Variants in RORA observed in about 807,000 individuals in gnomAD.
RORA encodes the protein RAR related orphan receptor A, also known as nuclear receptor ROR-alpha.
A neutral mutation model predicts 69.5 loss-of-function variants in RORA; 7 were observed. The ratio of observed to expected loss-of-function variants is 0.10; its 90% CI spans 0.06 to 0.19. The LOEUF (loss-of-function observed/expected upper bound fraction) is 0.19. Among genes scored for constraint, RORA ranks in the 10% least tolerant of loss-of-function variants. The pLI is 1.00. For synonymous variants in RORA, 261 were observed against 240.8 expected (o/e 1.08, Z -0.78); for missense variants, 457 against 663.0 (o/e 0.69, Z 3.41).
At position 60,946,577 on chromosome 15, in the gene RORA, T is replaced by G. The variant is rs561155041; in HGVS notation, c.167-267891A>C. Among the ~76,000 whole-genome samples, 8 of 152,338 alleles carry G rather than the reference T, an allele frequency of 5.3e-5. No individual in the cohort carries two copies. The East Asian group carries it at 1.5e-3, about 29-fold the overall frequency. On this transcript the variant is annotated intron_variant, in intron 1 of 10. Transcript: ENST00000335670. Reference sequence around the variant, plus strand: ...AGTCTCATTCACTCAGTGCTCAATGTTGCCCAGGCTGGAGTGCAGTGGCGT... The same window carrying G: ...AGTCTCATTCACTCAGTGCTCAATGGTGCCCAGGCTGGAGTGCAGTGGCGT...
At chr15:60,754,254 C>T (rs1270752319) in intron 1 of RORA, among the ~76,000 whole-genome samples, 1 of 152,158 alleles carries the variant, frequency 6.6e-6, no homozygotes, top group East Asian at 1.9e-4. Flanking sequence ...ATTTTCCCAT[C>T]ATCTTTTGTT....
chr15:60,944,728 G>C (rs1329498478), intron 1 of RORA, among the ~76,000 whole-genome samples: 3 of 146,706 alleles, frequency 2.0e-5, no homozygotes, highest in Admixed American at 6.8e-5. Flanking sequence ...GCATGGCCCA[G>C]AATTCCTGTC....
intron 2 of RORA, among the ~76,000 whole-genome samples, chr15:60,626,708 G>A (rs561204559): frequency 9.9e-5 from 15 of 152,026 alleles, no homozygotes; most frequent in Non-Finnish European, 2.1e-4. Flanking sequence ...AAACAGGATC[G>A]GGAAAATCTG....
intron 1 of RORA, among the ~76,000 whole-genome samples, chr15:61,077,264 G>A (rs1280293021): frequency 6.6e-6 from 1 of 152,136 alleles, no homozygotes; most frequent in African/African-American, 2.4e-5. Flanking sequence ...GAAAGATAAG[G>A]AGAGAGAACA....
intron 1 of RORA, among the ~76,000 whole-genome samples, chr15:61,070,560 T>G (rs2078326705): frequency 6.6e-6 from 1 of 152,254 alleles, no homozygotes; most frequent in African/African-American, 2.4e-5. Flanking sequence ...ATAAAATACA[T>G]GCTTATTCAT....
chr15:61,224,474 G>C (rs1043697028), intron 1 of RORA, among the ~76,000 whole-genome samples: 3 of 152,176 alleles, frequency 2.0e-5, no homozygotes, highest in Non-Finnish European at 4.4e-5. Flanking sequence ...AAGATGAAGG[G>C]GGAAAGGAAG....
chr15:60,851,853 C>G (rs1344963606), intron 1 of RORA, among the ~76,000 whole-genome samples: 2 of 151,806 alleles, frequency 1.3e-5, no homozygotes, highest in Non-Finnish European at 2.9e-5. Context: ...GACGTAAGTT[C>G]TGAGAACTTT....
At chr15:60,889,728 CA>C (rs905291700) in intron 1 of RORA, among the ~76,000 whole-genome samples, 9 of 152,162 alleles carry the variant, frequency 5.9e-5, no homozygotes, top group Admixed American at 5.9e-4. Context: ...GGCAACAGAC[CA>C]AAACCAGAAC....
intron 1 of RORA, among the ~76,000 whole-genome samples, chr15:60,988,705 T>C (rs1038272239): frequency 5.3e-5 from 8 of 152,158 alleles, no homozygotes; most frequent in Non-Finnish European, 1.2e-4. Context: ...GACTCTATGA[T>C]GTTTAAAGGC....
At position 60,881,425 on chromosome 15, in the gene RORA, A is replaced by G. The variant is rs187883582; in HGVS notation, c.167-202739T>C. On this transcript the variant is annotated intron_variant, in intron 1 of 10. Coordinates refer to ENST00000335670, the MANE Select transcript of RORA (RefSeq NM_134261.3). ...GATTCAATATATTCAACTGTCCTGA[A>G]GTCTCTACTCTACATTGGATGAAAC... Among the ~76,000 whole-genome samples the G allele has an allele frequency of 4.6e-3, 702 of 152,372 alleles. 4 individuals carry two copies. Among genetic ancestry groups the G allele is most frequent in the African/African-American group, 0.016 (686 of 41,596 alleles).
intron 1 of RORA, among the ~76,000 whole-genome samples, chr15:60,755,001 T>C (rs1357563096): frequency 6.6e-6 from 1 of 151,230 alleles, no homozygotes; most frequent in Non-Finnish European, 1.5e-5. Context: ...TTTTTATATA[T>C]ACTTTAAGTT....
chr15:61,170,771 CTTAG>C (rs1012306230), intron 1 of RORA, among the ~76,000 whole-genome samples: 37 of 152,282 alleles, frequency 2.4e-4, no homozygotes, highest in African/African-American at 8.2e-4. Context: ...GTTGTTAATG[CTTAG>C]TTAGGTAAAG....
At chr15:60,503,137 A>G (rs16942631) in intron 7 of RORA, among the ~76,000 whole-genome samples, 7,896 of 152,284 alleles carry the variant, frequency 0.052, 708 homozygotes, top group African/African-American at 0.18. Flanking sequence ...CTACCTCGCA[A>G]TGCAGAGTCT....
intron 1 of RORA, among the ~76,000 whole-genome samples, chr15:60,843,008 T>A (rs1306887975): frequency 6.6e-6 from 1 of 152,072 alleles, no homozygotes; most frequent in Non-Finnish European, 1.5e-5. Flanking sequence ...TGTCCACCCT[T>A]CTCGTTCACC....
At chr15:61,097,719 A>G (rs373856610) in intron 1 of RORA, among the ~76,000 whole-genome samples, 1 of 152,198 alleles carries the variant, frequency 6.6e-6, no homozygotes, top group South Asian at 2.1e-4. Context: ...AAATACATCT[A>G]TCTGGGCTGT....
intron 1 of RORA, among the ~76,000 whole-genome samples, chr15:61,157,725 C>T (rs976611022): frequency 3.3e-5 from 5 of 152,182 alleles, no homozygotes; most frequent in Admixed American, 6.5e-5. Flanking sequence ...ATCTGATTCT[C>T]TTTACATCTA....
At chr15:61,199,337 A>C (rs998613728) in intron 1 of RORA, among the ~76,000 whole-genome samples, 1 of 152,218 alleles carries the variant, frequency 6.6e-6, no homozygotes, top group Non-Finnish European at 1.5e-5. Flanking sequence ...CAATAAATGA[A>C]TACACGAACG....
chr15:60,560,607 C>A (rs2067509423), intron 2 of RORA, among the ~76,000 whole-genome samples: 1 of 152,164 alleles, frequency 6.6e-6, no homozygotes, highest in Non-Finnish European at 1.5e-5. Flanking sequence ...GGAGAGGGGC[C>A]TGAGGTGGGA....
chr15:60,543,074 G>C (rs2066947676), intron 2 of RORA, among the ~76,000 whole-genome samples: 1 of 151,886 alleles, frequency 6.6e-6, no homozygotes, highest in African/African-American at 2.4e-5. Flanking sequence ...GCGTGACTGG[G>C]CACCAAGGAC....
Sources: allele counts gnomAD v4.1 joint callset (sites outside exome capture counted in the v4.1 genomes callset), GRCh38; gene constraint gnomAD v4.1.1; transcripts MANE v1.5; gene names NCBI Gene and HGNC (gene_info 2026-07-23, HGNC 2026-07-21).